GALNTL6: variants seen among roughly 807,000 people sequenced by gnomAD.
GALNTL6 encodes polypeptide N-acetylgalactosaminyltransferase like 6, also known as polypeptide N-acetylgalactosaminyltransferase-like 6.
Under a neutral mutation model 73.7 loss-of-function variants are expected in GALNTL6, and 46 were observed. The ratio of observed to expected loss-of-function variants is 0.62; its 90% CI spans 0.49 to 0.80. The LOEUF (loss-of-function observed/expected upper bound fraction) is 0.80, where lower values mean the gene tolerates loss of function less well. Ranked by LOEUF, GALNTL6 falls within the 30% of genes least tolerant of loss-of-function variation. The pLI is 0.00. For synonymous variants in GALNTL6, 259 were observed against 263.7 expected (o/e 0.98, Z 0.17); for missense variants, 604 against 755.0 (o/e 0.80, Z 2.34).
At chr4:172,435,858 C>T (rs977328493) in intron 5 of GALNTL6, among the ~76,000 whole-genome samples, 3 of 151,980 alleles carry the variant, frequency 2.0e-5, no homozygotes, top group African/African-American at 7.3e-5. Context: ...TTTTGGGAAA[C>T]TGGGGTATTA....
intron 5 of GALNTL6, among the ~76,000 whole-genome samples, chr4:172,570,847 A>G (rs979792070): frequency 6.6e-6 from 1 of 152,264 alleles, no homozygotes; most frequent in East Asian, 1.9e-4. Flanking sequence ...AGATGGTCCC[A>G]TCTGGGGGTG....
chr4:172,151,739 G>A (rs1734092102), intron 2 of GALNTL6, among the ~76,000 whole-genome samples: 1 of 152,060 alleles, frequency 6.6e-6, no homozygotes, highest in African/African-American at 2.4e-5. Context: ...GATTCAATAG[G>A]TCTGGGCAGA....
rs1245404401 is a variant in GALNTL6, at chr4:172,658,155, A to AAAAAAAT, written c.554-151200_554-151199insTAAAAAA. Among the ~76,000 whole-genome samples, 3 of 122,042 alleles carry AAAAAAAT rather than the reference A, an allele frequency of 2.5e-5. 1 individual carries two copies. The highest frequency in any genetic ancestry group is 5.1e-5 in the Non-Finnish European group (3 of 58,546). The allele number at this position is 122,042 out of a possible 152,430, so 80.1% of individuals were successfully genotyped here. A position where few individuals can be genotyped will look rare whatever the true frequency, so the allele number is the denominator to read the frequency against. ...ACAGAGCGAGACTCCGTCTCAAAAA[A>AAAAAAAT]AAAAAAAAAAAAAAGAAATATCTTT... On this transcript the variant is annotated intron_variant, in intron 5 of 12. Coordinates refer to ENST00000506823, the MANE Select transcript of GALNTL6 (RefSeq NM_001034845.3).
At chr4:172,042,082 G>A (rs2110841510) in intron 2 of GALNTL6, among the ~76,000 whole-genome samples, 1 of 152,116 alleles carries the variant, frequency 6.6e-6, no homozygotes, top group South Asian at 2.1e-4. Flanking sequence ...CCAGTCCTCA[G>A]CCATTCAATT....
chr4:172,127,873 T>C (rs559704825), intron 2 of GALNTL6, among the ~76,000 whole-genome samples: 8 of 151,856 alleles, frequency 5.3e-5, no homozygotes, highest in Admixed American at 6.6e-5. Context: ...GAGGCCAAGG[T>C]GAGTGGATAG....
At chr4:172,764,142 G>A (rs565080131) in intron 5 of GALNTL6, among the ~76,000 whole-genome samples, 3 of 151,366 alleles carry the variant, frequency 2.0e-5, no homozygotes, top group Admixed American at 1.3e-4. Flanking sequence ...ATTTTTAGTA[G>A]AGATGGGGTT....
At chr4:172,345,017 A>G (rs919516367) in intron 4 of GALNTL6, among the ~76,000 whole-genome samples, 8 of 152,102 alleles carry the variant, frequency 5.3e-5, no homozygotes, top group African/African-American at 1.9e-4. Flanking sequence ...CCCTGCTATT[A>G]TTAGATATGA....
intron 2 of GALNTL6, among the ~76,000 whole-genome samples, chr4:172,141,431 G>A (rs779703479): frequency 8.5e-5 from 13 of 152,106 alleles, no homozygotes; most frequent in Admixed American, 2.0e-4. Flanking sequence ...CAGATGGTAC[G>A]AGTACAAATT....
At chr4:172,531,699 G>C (rs1265249003) in intron 5 of GALNTL6, among the ~76,000 whole-genome samples, 1 of 152,192 alleles carries the variant, frequency 6.6e-6, no homozygotes, top group Admixed American at 6.5e-5. Flanking sequence ...TGAGGGGAGA[G>C]AGGGTGGCCA....
intron 2 of GALNTL6, among the ~76,000 whole-genome samples, chr4:172,073,603 T>C (rs1161731212): frequency 6.6e-6 from 1 of 152,216 alleles, no homozygotes; most frequent in Admixed American, 6.5e-5. Context: ...GAATTTTACC[T>C]GGGGAAATAA....
intron 7 of GALNTL6, among the ~76,000 whole-genome samples, chr4:172,839,602 A>T (rs1268848175): frequency 2.6e-5 from 4 of 152,186 alleles, no homozygotes; most frequent in African/African-American, 9.7e-5. Flanking sequence ...TTAAGATGCC[A>T]TGGTCTGATA....
chr4:172,911,028 A>T (rs1011067435), intron 8 of GALNTL6, among the ~76,000 whole-genome samples: 1 of 152,198 alleles, frequency 6.6e-6, no homozygotes, highest in Non-Finnish European at 1.5e-5. Flanking sequence ...CACACTTGCT[A>T]ACTTGCCAAA....
intron 5 of GALNTL6, among the ~76,000 whole-genome samples, chr4:172,778,888 C>T (rs757640898): frequency 6.6e-6 from 1 of 152,128 alleles, no homozygotes; most frequent in Non-Finnish European, 1.5e-5. Context: ...GACCTAACCC[C>T]GTGCCTTAGC....
At chr4:172,880,436 T>C (rs1745397735) in intron 7 of GALNTL6, among the ~76,000 whole-genome samples, 1 of 152,082 alleles carries the variant, frequency 6.6e-6, no homozygotes, top group Admixed American at 6.6e-5. Flanking sequence ...ATTCTATGTA[T>C]ATATAGTTGT....
At chr4:172,539,470 A>AG (rs1367174678) in intron 5 of GALNTL6, among the ~76,000 whole-genome samples, 1 of 152,036 alleles carries the variant, frequency 6.6e-6, no homozygotes, top group African/African-American at 2.4e-5. Flanking sequence ...CCTCCACTGA[A>AG]GGGGGGAAGA....
intron 2 of GALNTL6, among the ~76,000 whole-genome samples, chr4:171,856,092 G>T (rs1735683399): frequency 6.6e-6 from 1 of 151,804 alleles, no homozygotes; most frequent in Non-Finnish European, 1.5e-5. Context: ...GAACAGATTT[G>T]TTGTTGTTGT....
intron 6 of GALNTL6, among the ~76,000 whole-genome samples, chr4:172,813,010 T>C (rs1237262786): frequency 6.6e-6 from 1 of 152,188 alleles, no homozygotes; most frequent in Non-Finnish European, 1.5e-5. Context: ...TGGAAAAATC[T>C]CTGGCAAACC....
chr4:171,926,633 C>T (rs574463250), intron 2 of GALNTL6, among the ~76,000 whole-genome samples: 1 of 152,176 alleles, frequency 6.6e-6, no homozygotes, highest in South Asian at 2.1e-4. Flanking sequence ...AAAAAACTTA[C>T]AATAAAAGCA....
intron 5 of GALNTL6, among the ~76,000 whole-genome samples, chr4:172,737,742 C>T (rs941798401): frequency 6.6e-6 from 1 of 152,160 alleles, no homozygotes; most frequent in African/African-American, 2.4e-5. Context: ...CTCTGTCTAA[C>T]TTGTTCCAGT....
Sources: gnomAD v4.1 joint callset for allele counts (sites outside exome capture counted in the v4.1 genomes callset) on GRCh38, gnomAD v4.1.1 for gene constraint, MANE v1.5 for transcripts, NCBI Gene and HGNC (gene_info 2026-07-23, HGNC 2026-07-21) for gene names.